PCDHGB1: variants seen among roughly 807,000 people sequenced by gnomAD.
PCDHGB1 encodes protocadherin gamma-B1.
In PCDHGB1, 34 loss-of-function variants were observed where a neutral mutation model predicts 56.6. The ratio of observed to expected loss-of-function variants is 0.60; its 90% confidence interval spans 0.46 to 0.80. The LOEUF (loss-of-function observed/expected upper bound fraction) is 0.80. Ranked by LOEUF, PCDHGB1 falls within the 30% of genes least tolerant of loss-of-function variation. The pLI, the probability that PCDHGB1 is intolerant of heterozygous loss-of-function variation, is 0.00. For missense variants in PCDHGB1, 1,278 were observed against 1,204.6 expected (o/e 1.06, Z -0.90); for synonymous variants, 561 against 505.9 (o/e 1.11, Z -1.46).
rs1412764202 is a variant in PCDHGB1, at chr5:141,486,708, C to T, written c.2410-8099C>T. The T allele has an allele frequency of 1.2e-6, 2 of 1,614,062 alleles. No individual in the cohort carries two copies. Among genetic ancestry groups the T allele is most frequent in the Non-Finnish European group, 1.7e-6 (2 of 1,180,054 alleles). ...GCTTCCTCTTTCATCTCTCTGAACC[C>T]CCAGACAGGAGCTGTTCATGCTACT... On this transcript the variant is annotated intron_variant, in intron 1 of 3. Coordinates refer to ENST00000523390, the MANE Select transcript of PCDHGB1 (RefSeq NM_018922.3). This position sits in a 1 kb window ranked among gnomAD's most constrained non-coding sequence, Gnocchi z 5.0.
chr5:141,399,968 G>T (rs1173181110), intron 1 of PCDHGB1: 2 of 1,612,128 alleles, frequency 1.2e-6, no homozygotes, highest in Non-Finnish European at 1.7e-6. Flanking sequence ...GGGCTCTTCA[G>T]CCTGGGGCTG....
intron 2 of PCDHGB1, among the ~76,000 whole-genome samples, chr5:141,501,290 TACACACACACACACACACACACAC>T (rs55762287): frequency 7.3e-6 from 1 of 136,162 alleles, no homozygotes; most frequent in African/African-American, 2.7e-5. Flanking sequence ...TATTCCCTTA[TACACACACACACACACACACACAC>T]ACACACACAC....
intron 1 of PCDHGB1, chr5:141,426,874 C>T: frequency 2.2e-6 from 1 of 456,654 alleles, no homozygotes; most frequent in Non-Finnish European, 4.4e-6. Context: ...CTGGAGAAGC[C>T]CCTGGGCCAG....
At chr5:141,355,378 G>C (rs371945703) in intron 1 of PCDHGB1, 50 of 1,613,924 alleles carry the variant, frequency 3.1e-5, no homozygotes, top group Non-Finnish European at 4.1e-5. Context: ...CCGGGAGCTG[G>C]CGGAGCGCGG....
At chr5:141,352,821 C>A in intron 1 of PCDHGB1, 152 bp downstream of exon 1, 3 of 796,942 alleles carry the variant, frequency 3.8e-6, no homozygotes, top group Non-Finnish European at 5.8e-6. Flanking sequence ...AAAACCCGGT[C>A]TACTAAAATT....
intron 1 of PCDHGB1, chr5:141,399,141 C>T (rs778835051): frequency 1.9e-6 from 3 of 1,613,660 alleles, no homozygotes; most frequent in African/African-American, 1.3e-5. Flanking sequence ...ATGAAAATGA[C>T]AATAGCCCAG....
chr5:141,505,026 G>T (rs190826538), intron 2 of PCDHGB1, among the ~76,000 whole-genome samples: 1 of 152,198 alleles, frequency 6.6e-6, no homozygotes, highest in South Asian at 2.1e-4. Context: ...GCCTGGCACA[G>T]TGGCAGGTGC....
chr5:141,388,514 GA>G (rs1218773677), intron 1 of PCDHGB1: 33 of 1,613,840 alleles, frequency 2.0e-5, no homozygotes, highest in Non-Finnish European at 2.8e-5. Flanking sequence ...CCTACCACTT[GA>G]CTTTGACTGC....
intron 1 of PCDHGB1, among the ~76,000 whole-genome samples, chr5:141,460,070 T>C (rs547558436): frequency 2.0e-5 from 3 of 152,202 alleles, no homozygotes; most frequent in South Asian, 2.1e-4. Flanking sequence ...AGAGTGAGAC[T>C]TCATCTAAAA....
intron 1 of PCDHGB1, chr5:141,420,181 T>C (rs1590216182): frequency 6.2e-7 from 1 of 1,613,998 alleles, no homozygotes; most frequent in Non-Finnish European, 8.5e-7. Context: ...TTGATCATTG[T>C]CCAGCCACAC....
chr5:141,389,211 G>T (rs2091646577), intron 1 of PCDHGB1: 1 of 1,613,940 alleles, frequency 6.2e-7, no homozygotes, highest in Admixed American at 1.7e-5. Context: ...CATTGGTGAT[G>T]TAAATGACAA....
chr5:141,388,424 GATAA>G, intron 1 of PCDHGB1: 1 of 1,613,812 alleles, frequency 6.2e-7, no homozygotes, highest in Non-Finnish European at 8.5e-7. Context: ...ATTTCTCACT[GATAA>G]ATAAAGAGAA....
chr5:141,370,322 C>G, intron 1 of PCDHGB1: 6 of 1,366,842 alleles, frequency 4.4e-6, no homozygotes, highest in Non-Finnish European at 5.0e-6. Flanking sequence ...GTTGGTCCTG[C>G]TCGGAGAACT....
chr5:141,402,839 C>T (rs2094312458), intron 1 of PCDHGB1: 1 of 1,386,198 alleles, frequency 7.2e-7, no homozygotes, highest in Non-Finnish European at 9.5e-7. Context: ...TGCAGCAAAA[C>T]TCAGCCTCTT....
chr5:141,369,623 T>A (rs996291828), intron 1 of PCDHGB1, among the ~76,000 whole-genome samples: 4 of 152,224 alleles, frequency 2.6e-5, no homozygotes, highest in Admixed American at 2.6e-4. Flanking sequence ...CATTTCCTCA[T>A]TACCTTTAAC....
chr5:141,430,615 A>G, intron 1 of PCDHGB1: 1 of 686,990 alleles, frequency 1.5e-6, no homozygotes, highest in Non-Finnish European at 2.2e-6. Context: ...CAAAGCAGAT[A>G]GCTAGGAATG....
intron 1 of PCDHGB1, among the ~76,000 whole-genome samples, chr5:141,448,083 T>C (rs1020024755): frequency 2.6e-5 from 4 of 151,368 alleles, no homozygotes; most frequent in African/African-American, 9.7e-5. Context: ...CGAAATGCCA[T>C]CTTAAAAAAA....
In PCDHGB1 at chr5:141,414,114, T is replaced by C. The variant is rs145910780; in HGVS notation, c.2409+61445T>C. The C allele has an allele frequency of 2.0e-5, 32 of 1,592,348 alleles. 2 individuals carry two copies. In the East Asian group the frequency reaches 6.3e-4, roughly 32 times the overall value. ...TAAAAATATCAGAAAATCTAGATTA[T>C]GAAGAAACCGGTTTCTATGAAATAG... On this transcript the variant is annotated intron_variant, in intron 1 of 3. Coordinates refer to ENST00000523390, the MANE Select transcript of PCDHGB1 (RefSeq NM_018922.3).
chr5:141,486,561 T>C lies in PCDHGB1; in HGVS notation c.2410-8246T>C. ...TTCTTTCAGAGGTCACATGAGGTGT[T>C]TGTTCCTGAGAACAATCGCCCAGGG... On this transcript the variant is annotated intron_variant, in intron 1 of 3. Transcript: ENST00000523390. This position sits in a 1 kb window ranked among gnomAD's most constrained non-coding sequence, Gnocchi z 5.0. 6.2e-7 allele frequency: 1 copy of C among 1,614,076 alleles called. No individual in the cohort carries two copies. Among genetic ancestry groups the C allele is most frequent in the Non-Finnish European group, 8.5e-7 (1 of 1,180,030 alleles).
Sources: allele counts gnomAD v4.1 joint callset (sites outside exome capture counted in the v4.1 genomes callset), GRCh38; gene constraint gnomAD v4.1.1; non-coding constraint Gnocchi (gnomAD v3.1); transcripts MANE v1.5; gene names NCBI Gene and HGNC (gene_info 2026-07-23, HGNC 2026-07-21).